RSBN1: variants seen among roughly 807,000 people sequenced by gnomAD.
RSBN1 encodes lysine-specific demethylase 9.
RSBN1 carries 23 observed loss-of-function variants against 74.8 expected under a neutral mutation model. The observed-to-expected ratio is 0.31, with a 90% CI of 0.22 to 0.44. The LOEUF is 0.44. RSBN1 is among the 20% of genes least tolerant of loss of function. The probability of loss-of-function intolerance (pLI) is 1.00; values close to 1 mark genes in which losing one functional copy is unlikely to be tolerated. For missense variants in RSBN1, 808 were observed against 1,020.9 expected (o/e 0.79, Z 2.84); for synonymous variants, 407 against 379.6 (o/e 1.07, Z -0.84).
At chr1:113,766,843 T>C (rs186342174) in intron 6 of RSBN1, among the ~76,000 whole-genome samples, 18 of 152,302 alleles carry the variant, frequency 1.2e-4, no homozygotes, top group Admixed American at 2.6e-4. Flanking sequence ...AGACAGCTCA[T>C]GGCCATAACT....
chr1:113,800,080 A>G (rs1383381192), intron 1 of RSBN1, among the ~76,000 whole-genome samples: 11 of 152,146 alleles, frequency 7.2e-5, no homozygotes, highest in Non-Finnish European at 1.6e-4. Flanking sequence ...CAGTTCCAAT[A>G]CTCCATATAA....
chr1:113,790,785 A>G (rs1019551287), intron 2 of RSBN1, among the ~76,000 whole-genome samples: 2 of 152,230 alleles, frequency 1.3e-5, no homozygotes, highest in African/African-American at 4.8e-5. Context: ...GGTAGATGGT[A>G]TATGGTTTAA....
At chr1:113,795,954 T>C (rs1660463097) in intron 2 of RSBN1, among the ~76,000 whole-genome samples, 1 of 152,186 alleles carries the variant, frequency 6.6e-6, no homozygotes, top group South Asian at 2.1e-4. Flanking sequence ...GAAAATTTGC[T>C]GCATTTTTCT....
chr1:113,769,096 A>G (rs960434976), intron 4 of RSBN1, among the ~76,000 whole-genome samples: 1 of 152,190 alleles, frequency 6.6e-6, no homozygotes, highest in African/African-American at 2.4e-5. Flanking sequence ...CCTAATCAGC[A>G]TGATAATAGT....
rs1233261734 is a variant in RSBN1, at chr1:113,766,459, G to A, written c.1936-6C>T. 1.3e-6 allele frequency: 2 copies of A among 1,563,886 alleles called. No homozygotes were observed. The highest frequency in any genetic ancestry group is 1.9e-5 in the Admixed American group (1 of 53,188). ...TCATCTACCCACTGTACGCACTGAAGAAAGAAAAAAGTTACGTGAGACTTT... is the reference window on the plus strand; with the variant it reads ...TCATCTACCCACTGTACGCACTGAAAAAAGAAAAAAGTTACGTGAGACTTT... On this transcript the variant is annotated splice_region_variant and splice_polypyrimidine_tract_variant and intron_variant, in intron 6 of 6. Coordinates refer to ENST00000261441, the MANE Select transcript of RSBN1 (RefSeq NM_018364.5).
chr1:113,788,015 CA>C (rs1660284267), intron 2 of RSBN1, among the ~76,000 whole-genome samples: 1 of 151,458 alleles, frequency 6.6e-6, no homozygotes, highest in African/African-American at 2.4e-5. Flanking sequence ...AACTTAAAAA[CA>C]AGTATAATTA....
intron 3 of RSBN1, 63 bp from the exon 4 acceptor site, chr1:113,777,415 C>T (rs1660053629): frequency 2.9e-5 from 43 of 1,500,530 alleles, no homozygotes; most frequent in Non-Finnish European, 3.9e-5. Flanking sequence ...GTTAATCCTC[C>T]CACCCAAATA....
intron 1 of RSBN1, among the ~76,000 whole-genome samples, chr1:113,809,969 G>A (rs2101831144): frequency 6.6e-6 from 1 of 152,258 alleles, no homozygotes; most frequent in East Asian, 1.9e-4. Flanking sequence ...GTTTTTTAAA[G>A]AACATGGGGC....
intron 2 of RSBN1, among the ~76,000 whole-genome samples, chr1:113,781,219 A>T (rs1293664729): frequency 6.6e-6 from 1 of 152,174 alleles, no homozygotes; most frequent in Admixed American, 6.5e-5. Context: ...GCACCAAGAT[A>T]TATATACCTT....
chr1:113,804,808 T>TTAAA (rs1285403445), intron 1 of RSBN1, among the ~76,000 whole-genome samples: 1 of 151,852 alleles, frequency 6.6e-6, no homozygotes, highest in Non-Finnish European at 1.5e-5. Context: ...GTTTCTGGAC[T>TTAAA]TAAAATCCCT....
intron 2 of RSBN1, among the ~76,000 whole-genome samples, chr1:113,785,125 CT>C (rs34675721): frequency 6.0e-5 from 9 of 150,326 alleles, no homozygotes; most frequent in Non-Finnish European, 1.2e-4. Flanking sequence ...TACTTAAAAA[CT>C]TTTTTTTTTA....
At chr1:113,800,162 C>T (rs1313364355) in intron 1 of RSBN1, among the ~76,000 whole-genome samples, 2 of 152,024 alleles carry the variant, frequency 1.3e-5, no homozygotes, top group Non-Finnish European at 2.9e-5. Context: ...AAAAGCAAGT[C>T]AAAGACTTTA....
intron 2 of RSBN1, among the ~76,000 whole-genome samples, chr1:113,783,214 T>C (rs932698717): frequency 2.0e-5 from 3 of 152,138 alleles, no homozygotes; most frequent in Non-Finnish European, 4.4e-5. Context: ...TCATAAATAT[T>C]TGTTGAATTT....
chr1:113,810,287 G>C (rs1439861799), intron 1 of RSBN1, among the ~76,000 whole-genome samples: 1 of 151,904 alleles, frequency 6.6e-6, no homozygotes, highest in Non-Finnish European at 1.5e-5. Context: ...TGATTTGATT[G>C]AACAGGCCTC....
At chr1:113,806,882 G>A (rs2101828157) in intron 1 of RSBN1, among the ~76,000 whole-genome samples, 1 of 149,292 alleles carries the variant, frequency 6.7e-6, no homozygotes, top group African/African-American at 2.5e-5. Context: ...GTGTGGTGGT[G>A]CACACGTGTG....
At chr1:113,771,924 C>CT (rs781074176) in intron 4 of RSBN1, among the ~76,000 whole-genome samples, 2,191 of 149,428 alleles carry the variant, frequency 0.015, 23 homozygotes, top group Middle Eastern at 0.018. Flanking sequence ...AAAAACAAGA[C>CT]TTTTTTTTAA....
chr1:113,789,361 C>G (rs1660320764), intron 2 of RSBN1, among the ~76,000 whole-genome samples: 1 of 152,202 alleles, frequency 6.6e-6, no homozygotes, highest in South Asian at 2.1e-4. Context: ...TACCCCAACT[C>G]TACGGGGAAA....
At chr1:113,809,280 A>C (rs1224705577) in intron 1 of RSBN1, among the ~76,000 whole-genome samples, 1 of 152,216 alleles carries the variant, frequency 6.6e-6, no homozygotes, top group African/African-American at 2.4e-5. Flanking sequence ...CAAGTTCCTT[A>C]TAAATGAAAT....
chr1:113,798,106 TG>T (rs1310825670), intron 1 of RSBN1, 70 bp from the exon 2 acceptor site: 2 of 1,359,632 alleles, frequency 1.5e-6, no homozygotes, highest in Non-Finnish European at 2.0e-6. Context: ...TTAAGGTACT[TG>T]ATCTCATTAA....
Sources: gnomAD v4.1 joint callset for allele counts (sites outside exome capture counted in the v4.1 genomes callset) on GRCh38, gnomAD v4.1.1 for gene constraint, MANE v1.5 for transcripts, NCBI Gene and HGNC (gene_info 2026-07-23, HGNC 2026-07-21) for gene names.